The following ABCC4 variants were observed in gnomAD, a reference collection of about 807,000 sequenced individuals.
ABCC4 encodes the protein ATP binding cassette subfamily C member 4 (PEL blood group), also known as ATP-binding cassette sub-family C member 4.
ABCC4 carries 102 observed loss-of-function variants against 168.5 expected under a neutral mutation model. The ratio of observed to expected loss-of-function variants is 0.61; its 90% CI spans 0.52 to 0.71. The LOEUF (loss-of-function observed/expected upper bound fraction) is 0.71. ABCC4 is among the 30% of genes least tolerant of loss of function. The probability of loss-of-function intolerance (pLI) is 0.00; values close to 1 mark genes in which losing one functional copy is unlikely to be tolerated. For synonymous variants in ABCC4, 617 were observed against 590.7 expected (o/e 1.04, Z -0.65); for missense variants, 1,402 against 1,605.8 (o/e 0.87, Z 2.17).
At chr13:95,257,988 G>A (rs1484183511) in intron 1 of ABCC4, among the ~76,000 whole-genome samples, 1 of 152,130 alleles carries the variant, frequency 6.6e-6, no homozygotes, top group Non-Finnish European at 1.5e-5. Flanking sequence ...TCACTTATGT[G>A]AGCCCACACA....
intron 4 of ABCC4, among the ~76,000 whole-genome samples, chr13:95,221,536 A>G (rs754229268): frequency 2.6e-5 from 4 of 152,144 alleles, no homozygotes; most frequent in Admixed American, 1.3e-4. Context: ...ACCGTTATGT[A>G]TATTTTACCA....
At chr13:95,043,869 A>G in intron 28 of ABCC4, 82 bp from the exon 29 acceptor site, 1 of 877,656 alleles carries the variant, frequency 1.1e-6, no homozygotes, top group Non-Finnish European at 1.8e-6. Flanking sequence ...TTCACAATAG[A>G]GATTTAAAAA....
chr13:95,214,861 G>A (rs1452065099), intron 4 of ABCC4, among the ~76,000 whole-genome samples: 1 of 113,070 alleles, frequency 8.8e-6, no homozygotes, highest in Non-Finnish European at 2.0e-5. Flanking sequence ...ACTCCAGCCT[G>A]GGTGATAGGT....
intron 16 of ABCC4, among the ~76,000 whole-genome samples, 181 bp downstream of exon 16, chr13:95,164,197 C>G (rs553950659): frequency 2.6e-5 from 4 of 152,186 alleles, no homozygotes; most frequent in Admixed American, 1.3e-4. Flanking sequence ...TTGAAAGATA[C>G]CCTTTTTTCG....
chr13:95,090,269 C>T, intron 20 of ABCC4, among the ~76,000 whole-genome samples: 1 of 152,194 alleles, frequency 6.6e-6, no homozygotes, highest in South Asian at 2.1e-4. Context: ...GCTACCACAG[C>T]TAATGCTCTC....
chr13:95,105,270 C>A (rs1378384684), intron 20 of ABCC4, among the ~76,000 whole-genome samples: 1 of 152,002 alleles, frequency 6.6e-6, no homozygotes, highest in African/African-American at 2.4e-5. Context: ...CAGGCGGTAA[C>A]GTGAGTGATG....
At chr13:95,105,125 G>A (rs2034957635) in intron 20 of ABCC4, among the ~76,000 whole-genome samples, 1 of 151,668 alleles carries the variant, frequency 6.6e-6, no homozygotes, top group Non-Finnish European at 1.5e-5. Context: ...GGGAGACAAT[G>A]ACAGATGATC....
intron 21 of ABCC4, among the ~76,000 whole-genome samples, chr13:95,081,587 A>T (rs1020839173): frequency 1.1e-4 from 16 of 152,204 alleles, no homozygotes; most frequent in African/African-American, 3.6e-4. Context: ...TGAAAACCTT[A>T]CAAGACTAGA....
chr13:95,261,282 C>A (rs941503111), intron 1 of ABCC4, among the ~76,000 whole-genome samples: 5 of 151,964 alleles, frequency 3.3e-5, no homozygotes, highest in Non-Finnish European at 5.9e-5. Flanking sequence ...AACCCCGTCT[C>A]TACTAAAAAT....
intron 4 of ABCC4, among the ~76,000 whole-genome samples, chr13:95,233,219 C>A (rs1240406230): frequency 1.3e-5 from 2 of 150,698 alleles, no homozygotes; most frequent in Non-Finnish European, 2.9e-5. Context: ...TAACTGTACA[C>A]AATGTACATT....
chr13:95,092,137 A>C (rs2034455082), intron 20 of ABCC4, among the ~76,000 whole-genome samples: 1 of 152,208 alleles, frequency 6.6e-6, no homozygotes, highest in Non-Finnish European at 1.5e-5. Flanking sequence ...TATGCACCCA[A>C]CACTACAGCT....
At chr13:95,097,803 T>C (rs2034659181) in intron 20 of ABCC4, among the ~76,000 whole-genome samples, 1 of 151,928 alleles carries the variant, frequency 6.6e-6, no homozygotes, top group Non-Finnish European at 1.5e-5. Flanking sequence ...TGAAGTTATA[T>C]ACTCCATAAT....
At chr13:95,154,926 T>C (rs1484240407) in intron 19 of ABCC4, among the ~76,000 whole-genome samples, 1 of 152,258 alleles carries the variant, frequency 6.6e-6, no homozygotes, top group African/African-American at 2.4e-5. Context: ...CCTACAATTA[T>C]GTTTCTTCTT....
intron 1 of ABCC4, among the ~76,000 whole-genome samples, chr13:95,287,504 T>C (rs1421609449): frequency 2.7e-5 from 4 of 149,948 alleles, no homozygotes; most frequent in African/African-American, 9.9e-5. Flanking sequence ...GCAGAATCGT[T>C]TGAATCTGGG....
intron 1 of ABCC4, among the ~76,000 whole-genome samples, chr13:95,248,120 G>A (rs1413308884): frequency 3.9e-5 from 6 of 152,246 alleles, no homozygotes; most frequent in South Asian, 2.1e-4. Flanking sequence ...GATACCATAC[G>A]ATAAGGAAAC....
chr13:95,069,009 G>A (rs1004513739), intron 25 of ABCC4, among the ~76,000 whole-genome samples: 1 of 152,244 alleles, frequency 6.6e-6, no homozygotes, highest in Admixed American at 6.5e-5. Context: ...GGTAGATAAT[G>A]AGGAATCAGC....
At chr13:95,022,896 TA>T (rs1178165195) in intron 30 of ABCC4, among the ~76,000 whole-genome samples, 1 of 152,230 alleles carries the variant, frequency 6.6e-6, no homozygotes, top group Non-Finnish European at 1.5e-5. Flanking sequence ...ACACACAATG[TA>T]CTAAAATGTC....
chr13:95,142,907 TAAG>T lies in ABCC4; in HGVS notation c.2455+18279_2455+18281del, dbSNP rs544424856. Reference sequence around the variant, plus strand: ...AATTACTGCCAAAAAAATATAATAATAAGAAGAAGAAACAAGGAATAAAATGGA... The same window carrying T: ...AATTACTGCCAAAAAAATATAATAATAAGAAGAAACAAGGAATAAAATGGA... On this transcript the variant is annotated intron_variant, in intron 19 of 30. Transcript: ENST00000645237. 2.2e-4 allele frequency among the ~76,000 whole-genome samples: 34 copies of T among 152,094 alleles called. No homozygotes were observed. The South Asian group carries it at 4.8e-3, about 21-fold the overall frequency.
intron 1 of ABCC4, among the ~76,000 whole-genome samples, chr13:95,293,476 T>C (rs2041452118): frequency 6.6e-6 from 1 of 151,940 alleles, no homozygotes. Context: ...ACACGGACTA[T>C]GTTTTTTTGA....
Sources: gnomAD v4.1 joint callset for allele counts (sites outside exome capture counted in the v4.1 genomes callset) on GRCh38, gnomAD v4.1.1 for gene constraint, MANE v1.5 for transcripts, NCBI Gene and HGNC (gene_info 2026-07-23, HGNC 2026-07-21) for gene names.